FBXO40: variants seen among roughly 807,000 people sequenced by gnomAD.
FBXO40 encodes the protein F-box protein 40.
A neutral mutation model predicts 49.9 loss-of-function variants in FBXO40; 50 were observed. The ratio of observed to expected loss-of-function variants is 1.00; its 90% CI spans 0.80 to 1.27. The LOEUF is 1.27. Ranked by LOEUF, FBXO40 falls within the 50% of genes most tolerant of loss-of-function variation. The pLI, the probability that FBXO40 is intolerant of heterozygous loss-of-function variation, is 0.00. For synonymous variants in FBXO40, 340 were observed against 320.2 expected (o/e 1.06, Z -0.66); for missense variants, 895 against 870.1 (o/e 1.03, Z -0.36).
At chr3:121,595,228 C>T (rs995056982) in intron 1 of FBXO40, among the ~76,000 whole-genome samples, 1 of 152,174 alleles carries the variant, frequency 6.6e-6, no homozygotes, top group Non-Finnish European at 1.5e-5. Context: ...ATCATTATGC[C>T]TGTTTCCTGG....
chr3:121,612,500 T>G (rs1445154712), intron 1 of FBXO40, among the ~76,000 whole-genome samples: 1 of 152,170 alleles, frequency 6.6e-6, no homozygotes, highest in Non-Finnish European at 1.5e-5. Context: ...TGGAACCAGC[T>G]GGGGGAAGCC....
At chr3:121,613,065 G>A (rs949459088) in intron 1 of FBXO40, among the ~76,000 whole-genome samples, 4 of 116,332 alleles carry the variant, frequency 3.4e-5, no homozygotes, top group African/African-American at 9.7e-5. Context: ...GCAAGACTCC[G>A]TCTCAGAAAA....
At chr3:121,617,055 G>A (rs1328787653) in intron 1 of FBXO40, among the ~76,000 whole-genome samples, 2 of 152,302 alleles carry the variant, frequency 1.3e-5, no homozygotes, top group Non-Finnish European at 2.9e-5. Flanking sequence ...TTGGTGAATG[G>A]ATATGAACAG....
intron 1 of FBXO40, among the ~76,000 whole-genome samples, chr3:121,608,817 G>A (rs2048949452): frequency 6.6e-6 from 1 of 152,180 alleles, no homozygotes; most frequent in African/African-American, 2.4e-5. Context: ...TACTGGCTGT[G>A]GAATATTCCC....
chr3:121,623,688 C>CTTTT (rs11455375), intron 3 of FBXO40, among the ~76,000 whole-genome samples: 4 of 128,960 alleles, frequency 3.1e-5, no homozygotes, highest in South Asian at 2.4e-4. Flanking sequence ...TTTTAAAGGC[C>CTTTT]TTTTTTTTTT....
Position 121,622,547 on chromosome 3 carries a change from G to A in FBXO40, c.1118G>A (p.Ser373Asn), listed in dbSNP as rs746126929. Residue 373 changes from serine (S) to asparagine (N), a missense_variant, in exon 3 of 4, where the codon AGT becomes AAT. Physicochemically the swap from Ser to Asn is conservative, Grantham distance 46 (BLOSUM62 1). Coordinates refer to ENST00000338040, the MANE Select transcript of FBXO40 (RefSeq NM_016298.4). Reference sequence around the variant, plus strand: ...GATGCCATGTTGAGTTGTAAGCCAAGTGAACACAAGGCAGTGGATACTTCA... The same window carrying A: ...GATGCCATGTTGAGTTGTAAGCCAAATGAACACAAGGCAGTGGATACTTCA... Reference protein sequence around the residue: ...LGDAMLSCKPSEHKAVDTSDL... With the variant: ...LGDAMLSCKPNEHKAVDTSDL... 2 of 1,614,110 alleles carry A rather than the reference G, an allele frequency of 1.2e-6. No homozygotes were observed. Among genetic ancestry groups the A allele is most frequent in the East Asian group, 4.5e-5 (2 of 44,892 alleles).
chr3:121,608,171 T>A (rs1308069152), intron 1 of FBXO40, among the ~76,000 whole-genome samples: 3 of 152,190 alleles, frequency 2.0e-5, no homozygotes, highest in Non-Finnish European at 4.4e-5. Context: ...AATAATATCA[T>A]CAAAATGTGC....
At chr3:121,602,871 A>T (rs1169355491) in intron 1 of FBXO40, among the ~76,000 whole-genome samples, 1 of 151,904 alleles carries the variant, frequency 6.6e-6, no homozygotes, top group Non-Finnish European at 1.5e-5. Flanking sequence ...GGGCTCTTGG[A>T]CCCAAAGATG....
intron 1 of FBXO40, among the ~76,000 whole-genome samples, chr3:121,620,257 C>T (rs562560269): frequency 6.6e-6 from 1 of 152,288 alleles, no homozygotes; most frequent in Admixed American, 6.5e-5. Flanking sequence ...GTTAACATCC[C>T]ATGATTGGTA....
chr3:121,628,075 A>T lies in FBXO40; in HGVS notation c.*1165A>T, dbSNP rs2049072423. ...ACAAACAGTGAATATTCATAAGAAC[A>T]AAAGTAAAAGAAAAAAAGACACAGT... On this transcript the variant is annotated 3_prime_UTR_variant, in exon 4 of 4. Transcript: ENST00000338040. 2.5e-6 allele frequency: 1 copy of T among 397,580 alleles called. No individual in the cohort carries two copies. The highest frequency in any genetic ancestry group is 4.4e-5 in the Admixed American group (1 of 22,728). 24.6% of individuals were successfully genotyped at this position (397,580 alleles called of 1,614,324 possible). A position where few individuals can be genotyped will look rare whatever the true frequency, so the allele number is the denominator to read the frequency against.
At chr3:121,610,341 T>C (rs2048957879) in intron 1 of FBXO40, among the ~76,000 whole-genome samples, 1 of 152,202 alleles carries the variant, frequency 6.6e-6, no homozygotes, top group South Asian at 2.1e-4. Flanking sequence ...TAAAAGCTGA[T>C]TTATGGAAGT....
chr3:121,622,526 C>A lies in FBXO40; in HGVS notation c.1097C>A (p.Ala366Asp). 2 of 1,614,188 alleles carry A rather than the reference C, an allele frequency of 1.2e-6. No individual in the cohort carries two copies. The highest frequency in any genetic ancestry group is 2.2e-5 in the South Asian group (2 of 91,076). ...GGAAAGCGAGCTCGACTTGGAGATG[C>A]CATGTTGAGTTGTAAGCCAAGTGAA... ...YCGKRARLGD[A>D]MLSCKPSEHK... The change falls in exon 3 of 4, where the codon GCC becomes GAC. Residue 366 changes from alanine to aspartate, a missense_variant. Transcript: ENST00000338040.
At chr3:121,607,300 CTTTTTTTTTTTTTTT>C (rs555162944) in intron 1 of FBXO40, among the ~76,000 whole-genome samples, 1 of 60,128 alleles carries the variant, frequency 1.7e-5, no homozygotes, top group Non-Finnish European at 2.8e-5. Context: ...CTCTAAAGCT[CTTTTTTTTTTTTTTT>C]TTTTTTTTTT....
At chr3:121,616,300 T>C (rs557483571) in intron 1 of FBXO40, among the ~76,000 whole-genome samples, 1 of 152,246 alleles carries the variant, frequency 6.6e-6, no homozygotes. Context: ...TTAATGTGCA[T>C]AAGAATCAGA....
intron 1 of FBXO40, among the ~76,000 whole-genome samples, chr3:121,613,219 C>T (rs1396732113): frequency 1.3e-5 from 2 of 152,092 alleles, no homozygotes; most frequent in East Asian, 1.9e-4. Context: ...ACTCCTTGTC[C>T]GCAAGATTGT....
At chr3:121,620,453 A>G in intron 1 of FBXO40, 93 bp from the exon 2 acceptor site, 1 of 1,140,714 alleles carries the variant, frequency 8.8e-7, no homozygotes, top group Non-Finnish European at 1.3e-6. Context: ...AAGGAATTAA[A>G]TGAGATAGTG....
At chr3:121,615,911 G>T (rs1328513171) in intron 1 of FBXO40, among the ~76,000 whole-genome samples, 1 of 152,108 alleles carries the variant, frequency 6.6e-6, no homozygotes, top group African/African-American at 2.4e-5. Flanking sequence ...ACTTTAAGAT[G>T]GAGTCACTCT....
At position 121,620,573 on chromosome 3, in the gene FBXO40, G is replaced by T. The variant is rs372089012; in HGVS notation, c.-3G>T. The T allele has an allele frequency of 5.2e-5, 84 of 1,613,984 alleles. No homozygotes were observed. The highest frequency in any genetic ancestry group is 6.9e-5 in the Non-Finnish European group (81 of 1,180,008). On this transcript the variant is annotated 5_prime_UTR_variant, in exon 2 of 4. Transcript: ENST00000338040. ...CTAAGAAGCAAGAAGAAATTGGGGC[G>T]CCATGGTAAGCACCAGGAGCTTATT...
At chr3:121,594,529 C>T (rs1336234495) in intron 1 of FBXO40, among the ~76,000 whole-genome samples, 5 of 152,182 alleles carry the variant, frequency 3.3e-5, no homozygotes, top group Non-Finnish European at 7.3e-5. Context: ...AGTCTAAATG[C>T]TGTGATCTTT....
Sources: allele counts gnomAD v4.1 joint callset (sites outside exome capture counted in the v4.1 genomes callset), GRCh38; gene constraint gnomAD v4.1.1; transcripts MANE v1.5; gene names NCBI Gene and HGNC (gene_info 2026-07-23, HGNC 2026-07-21).